Variants in OR14A2 observed in about 807,000 individuals in gnomAD.
OR14A2 encodes the protein olfactory receptor family 14 subfamily A member 2, also known as olfactory receptor 14A2.
For missense variants in OR14A2, 237 were observed against 152.9 expected, an observed-to-expected ratio of 1.55 and a Z score of -2.90; for synonymous variants, 114 against 58.6, an observed-to-expected ratio of 1.95 and a Z score of -4.32.
chr1:247,741,470 T>G, the OR14A2 span, among the ~76,000 whole-genome samples: 1 of 152,186 alleles, frequency 6.6e-6, no homozygotes, highest in African/African-American at 2.4e-5. Flanking sequence ...ACTTATCAAC[T>G]TTGAGTTGAA....
At chr1:247,748,024 A>G in the OR14A2 span, among the ~76,000 whole-genome samples, 5 of 152,166 alleles carry the variant, frequency 3.3e-5, no homozygotes, top group African/African-American at 1.2e-4. Flanking sequence ...GTAAGCCTTG[A>G]CCTCATAAAG....
upstream of OR14A2, among the ~76,000 whole-genome samples, chr1:247,725,235 C>G (rs1271845690): frequency 6.6e-6 from 1 of 151,906 alleles, no homozygotes; most frequent in East Asian, 1.9e-4. Context: ...GGACAAAGAT[C>G]TGTAGAGAAG....
chr1:247,742,657 T>C, the OR14A2 span, among the ~76,000 whole-genome samples: 7 of 152,282 alleles, frequency 4.6e-5, no homozygotes, highest in Admixed American at 2.6e-4. Flanking sequence ...CAGAGGATAA[T>C]CAATCAATAT....
the OR14A2 span, chr1:247,746,553 T>TAGA: frequency 6.6e-6 from 1 of 152,204 alleles, no homozygotes; most frequent in African/African-American, 2.4e-5. Flanking sequence ...CATTCTAGCA[T>TAGA]AGAAGCCTAT....
At chr1:247,744,243 A>G in the OR14A2 span, among the ~76,000 whole-genome samples, 2 of 152,200 alleles carry the variant, frequency 1.3e-5, no homozygotes, top group Admixed American at 1.3e-4. The surrounding 1 kb of genome is among the most constrained non-coding windows in gnomAD (Gnocchi z 4.3). Flanking sequence ...CATATAATTT[A>G]TATATGTTTT....
the OR14A2 span, among the ~76,000 whole-genome samples, chr1:247,734,171 C>G: frequency 6.6e-6 from 1 of 152,064 alleles, no homozygotes; most frequent in Non-Finnish European, 1.5e-5. Flanking sequence ...AGGATGGTCC[C>G]CAATCTAAAC....
the OR14A2 span, among the ~76,000 whole-genome samples, chr1:247,748,085 A>C: frequency 5.3e-5 from 8 of 152,162 alleles, no homozygotes; most frequent in African/African-American, 1.9e-4. Flanking sequence ...TATGAATGTC[A>C]TTTTCAAATA....
chr1:247,727,038 A>T (rs1468982919), upstream of OR14A2, among the ~76,000 whole-genome samples: 1 of 150,568 alleles, frequency 6.6e-6, no homozygotes, highest in Non-Finnish European at 1.5e-5. Context: ...TGCCATATGA[A>T]CTTTAAAGTA....
At chr1:247,731,550 A>C in the OR14A2 span, among the ~76,000 whole-genome samples, 2 of 151,872 alleles carry the variant, frequency 1.3e-5, no homozygotes, top group Non-Finnish European at 2.9e-5. Context: ...TTATATCTAT[A>C]ATTATTTTTT....
chr1:247,738,994 C>T, the OR14A2 span: 3 of 780,752 alleles, frequency 3.8e-6, no homozygotes, highest in Admixed American at 5.1e-5. Context: ...ATCTGCTGCC[C>T]CCTACACTGT....
chr1:247,727,967 G>T (rs534950267), upstream of OR14A2, among the ~76,000 whole-genome samples: 2,893 of 144,280 alleles, frequency 0.02, 33 homozygotes, highest in African/African-American at 0.027. Flanking sequence ...GGACCAGATG[G>T]ATTCACAGCC....
chr1:247,742,909 C>G, the OR14A2 span, among the ~76,000 whole-genome samples: 1 of 152,090 alleles, frequency 6.6e-6, no homozygotes, highest in Non-Finnish European at 1.5e-5. Flanking sequence ...TTAAATGTAT[C>G]TAGAACTATG....
the OR14A2 span, among the ~76,000 whole-genome samples, chr1:247,744,674 T>C: frequency 6.6e-6 from 1 of 152,164 alleles, no homozygotes; most frequent in African/African-American, 2.4e-5. The surrounding 1 kb of genome is among the most constrained non-coding windows in gnomAD (Gnocchi z 4.3). Context: ...TCTTGATGGA[T>C]ATGCCAAAAA....
the OR14A2 span, among the ~76,000 whole-genome samples, chr1:247,731,135 A>C: frequency 3.3e-5 from 5 of 151,952 alleles, no homozygotes; most frequent in Non-Finnish European, 5.9e-5. Context: ...TGTTTCTTAC[A>C]GGCAGTTTTG....
chr1:247,731,279 TG>T, the OR14A2 span, among the ~76,000 whole-genome samples: 1 of 152,080 alleles, frequency 6.6e-6, no homozygotes, highest in East Asian at 1.9e-4. Context: ...CCTTTCAGTA[TG>T]CTGAGGATGT....
the OR14A2 span, among the ~76,000 whole-genome samples, chr1:247,740,179 T>G: frequency 2.2e-4 from 34 of 152,254 alleles, no homozygotes; most frequent in African/African-American, 8.2e-4. Flanking sequence ...CGGCATTCTC[T>G]TCAGTTAGTT....
chr1:247,741,577 T>C, the OR14A2 span, among the ~76,000 whole-genome samples: 1 of 152,300 alleles, frequency 6.6e-6, no homozygotes, highest in East Asian at 1.9e-4. Flanking sequence ...AGAGCAACCA[T>C]ACAGAGTGAG....
the OR14A2 span, among the ~76,000 whole-genome samples, chr1:247,743,651 T>C: frequency 6.6e-6 from 1 of 152,206 alleles, no homozygotes; most frequent in Non-Finnish European, 1.5e-5. Flanking sequence ...TGCCTTTTTT[T>C]GTGTGTTGCC....
chr1:247,727,020 T>A (rs1420204144), upstream of OR14A2, among the ~76,000 whole-genome samples: 5 of 150,784 alleles, frequency 3.3e-5, no homozygotes, highest in South Asian at 1.0e-3. Context: ...ATGCGGGCTC[T>A]TTTTTGGTGC....
Sources: gnomAD v4.1 joint callset for allele counts (sites outside exome capture counted in the v4.1 genomes callset) on GRCh38, gnomAD v4.1.1 for gene constraint, Gnocchi (gnomAD v3.1) non-coding constraint, MANE v1.5 for transcripts, NCBI Gene and HGNC (gene_info 2026-07-23, HGNC 2026-07-21) for gene names.